Variants in PEAK1 observed in about 807,000 individuals in gnomAD.
PEAK1 encodes the protein pseudopodium enriched atypical kinase 1, also known as inactive tyrosine-protein kinase PEAK1.
Under a neutral mutation model 124.7 loss-of-function variants are expected in PEAK1, and 54 were observed. The ratio of observed to expected loss-of-function variants is 0.43; its 90% confidence interval spans 0.35 to 0.54. PEAK1 has a LOEUF of 0.54. PEAK1 is among the 20% of genes least tolerant of loss of function. The probability of loss-of-function intolerance (pLI) is 0.01; values close to 1 mark genes in which losing one functional copy is unlikely to be tolerated. For synonymous variants in PEAK1, 719 were observed against 760.0 expected, an observed-to-expected ratio of 0.95 and a Z score of 0.89; for missense variants, 2,046 against 2,134.5, an observed-to-expected ratio of 0.96 and a Z score of 0.82.
At chr15:77,253,679 C>T (rs2060989797) in intron 5 of PEAK1, among the ~76,000 whole-genome samples, 1 of 152,040 alleles carries the variant, frequency 6.6e-6, no homozygotes, top group African/African-American at 2.4e-5. Flanking sequence ...TTTCTTCATC[C>T]TTACAACTTT....
At chr15:77,149,069 C>T (rs555032720) in intron 8 of PEAK1, among the ~76,000 whole-genome samples, 1 of 152,260 alleles carries the variant, frequency 6.6e-6, no homozygotes, top group African/African-American at 2.4e-5. Context: ...TGTCACTATT[C>T]CTTCATTTTG....
chr15:77,404,018 C>T, intron 1 of PEAK1: 1 of 975,926 alleles, frequency 1.0e-6, no homozygotes, highest in Non-Finnish European at 1.2e-6. Context: ...GAGCATAGTA[C>T]CTGGTAGTTA....
At chr15:77,402,894 T>C (rs2071492950) in intron 1 of PEAK1, 1 of 985,270 alleles carries the variant, frequency 1.0e-6, no homozygotes, top group South Asian at 4.7e-5. Context: ...ACTCAGTGAG[T>C]GGGCAGTTGC....
chr15:77,420,642 ATC>A, upstream of PEAK1: 1 of 380,626 alleles, frequency 2.6e-6, no homozygotes, highest in Non-Finnish European at 4.6e-6. Context: ...AAAAAACTAC[ATC>A]TCCCAGAAAC....
At chr15:77,352,640 C>G (rs16968799) in intron 2 of PEAK1, 358,159 of 950,280 alleles carry the variant, frequency 0.38, 68,610 homozygotes, top group Non-Finnish European at 0.39. Flanking sequence ...CTGAATATTT[C>G]TGCCTAGAAA....
At chr15:77,348,960 G>C (rs2067041828) in intron 2 of PEAK1, 1 of 947,196 alleles carries the variant, frequency 1.1e-6, no homozygotes, top group South Asian at 4.9e-5. Context: ...TTAAAATAGA[G>C]ATTTAAAGCC....
At chr15:77,309,159 T>C (rs926865279) in intron 2 of PEAK1, among the ~76,000 whole-genome samples, 1 of 152,118 alleles carries the variant, frequency 6.6e-6, no homozygotes, top group African/African-American at 2.4e-5. Context: ...GGAACAAGTT[T>C]GTGCCATTAC....
At chr15:77,295,184 C>T (rs945608701) in intron 2 of PEAK1, among the ~76,000 whole-genome samples, 1 of 152,034 alleles carries the variant, frequency 6.6e-6, no homozygotes, top group African/African-American at 2.4e-5. Flanking sequence ...TATGCACAGG[C>T]CACAGTGGTA....
At chr15:77,394,423 A>T (rs1196395760) in intron 1 of PEAK1, among the ~76,000 whole-genome samples, 1 of 152,220 alleles carries the variant, frequency 6.6e-6, no homozygotes, top group African/African-American at 2.4e-5. Context: ...CAGGCAGCTC[A>T]GCACAGAAAG....
intron 1 of PEAK1, chr15:77,418,412 TC>T (rs888088186): frequency 3.0e-6 from 3 of 984,888 alleles, no homozygotes; most frequent in Non-Finnish European, 3.6e-6. Flanking sequence ...TATTTCCCTT[TC>T]CCCCCCGACA....
chr15:77,344,729 TCAGTA>T, intron 2 of PEAK1, among the ~76,000 whole-genome samples: 1 of 152,360 alleles, frequency 6.6e-6, no homozygotes, highest in South Asian at 2.1e-4. Context: ...TTAATTTCTT[TCAGTA>T]ATGTTTTGTA....
At position 77,179,913 on chromosome 15, in the gene PEAK1, T is replaced by A. The variant is rs2057139839; in HGVS notation, c.2014A>T (p.Ser672Cys). 3.7e-6 allele frequency: 6 copies of A among 1,614,184 alleles called. No individual in the cohort carries two copies. Among genetic ancestry groups the A allele is most frequent in the Non-Finnish European group, 5.1e-6 (6 of 1,180,012 alleles). Residue 672 changes from serine (S) to cysteine (C), a missense_variant, in exon 7 of 10, where the codon AGC (serine) becomes TGC (cysteine). By Grantham distance (112) the Ser-to-Cys change is moderately radical. Transcript: ENST00000682557. ...SHTYEEIETE[S>C]KVPDNTTSKT... ...CTAGTGGTGTTATCAGGCACTTTGC[T>A]TTCTGTTTCTATTTCTTCATAAGTA...
chr15:77,351,754 C>T, intron 2 of PEAK1: 1 of 985,348 alleles, frequency 1.0e-6, no homozygotes, highest in Non-Finnish European at 1.2e-6. Flanking sequence ...AGAGGTTCTC[C>T]AACAGGCCAT....
At chr15:77,367,555 A>G (rs2068337776) in intron 1 of PEAK1, among the ~76,000 whole-genome samples, 1 of 152,206 alleles carries the variant, frequency 6.6e-6, no homozygotes, top group South Asian at 2.1e-4. Flanking sequence ...AAAAATGCTT[A>G]ATGATAGGAA....
chr15:77,176,286 AAAG>A (rs2056870620), intron 7 of PEAK1, among the ~76,000 whole-genome samples: 1 of 151,600 alleles, frequency 6.6e-6, no homozygotes, highest in Middle Eastern at 3.2e-3. Flanking sequence ...AGAAAAAAAA[AAAG>A]AAAAATGCTA....
chr15:77,385,222 G>A (rs951270014), intron 1 of PEAK1, among the ~76,000 whole-genome samples: 5 of 151,996 alleles, frequency 3.3e-5, no homozygotes, highest in Non-Finnish European at 7.4e-5. Context: ...AATGACAGAA[G>A]CCTATTTGTC....
intron 1 of PEAK1, among the ~76,000 whole-genome samples, chr15:77,395,454 T>C (rs941927613): frequency 5.3e-5 from 8 of 152,106 alleles, no homozygotes; most frequent in African/African-American, 1.9e-4. Context: ...AGTACAAGAA[T>C]GTTATATAAC....
At chr15:77,124,208 A>G (rs925337421) in intron 9 of PEAK1, among the ~76,000 whole-genome samples, 2 of 152,124 alleles carry the variant, frequency 1.3e-5, no homozygotes, top group African/African-American at 4.8e-5. Context: ...TTTGCTACAG[A>G]TTTTCCAATT....
intron 2 of PEAK1, among the ~76,000 whole-genome samples, chr15:77,300,842 ATTAT>A (rs375319792): frequency 4.3e-3 from 653 of 151,772 alleles, no homozygotes; most frequent in African/African-American, 0.013. Flanking sequence ...AAAACCAGTA[ATTAT>A]TTATTTATTT....
Sources: allele counts gnomAD v4.1 joint callset (sites outside exome capture counted in the v4.1 genomes callset), GRCh38; gene constraint gnomAD v4.1.1; transcripts MANE v1.5; gene names NCBI Gene and HGNC (gene_info 2026-07-23, HGNC 2026-07-21).